ZMYND11: variants seen among roughly 807,000 people sequenced by gnomAD.
The protein encoded by ZMYND11 is zinc finger MYND-type containing 11, also known as zinc finger MYND domain-containing protein 11.
A neutral mutation model predicts 84.9 loss-of-function variants in ZMYND11; 9 were observed. The ratio of observed to expected loss-of-function variants is 0.11; its 90% confidence interval spans 0.06 to 0.18. ZMYND11 has a LOEUF of 0.18. Among genes scored for constraint, ZMYND11 ranks in the 10% least tolerant of loss-of-function variants. The pLI is 1.00. For synonymous variants in ZMYND11, 250 were observed against 244.1 expected, an observed-to-expected ratio of 1.02 and a Z score of -0.23; for missense variants, 409 against 761.0, an observed-to-expected ratio of 0.54 and a Z score of 5.44.
chr10:141,828 C>G (rs948598202), intron 1 of ZMYND11, among the ~76,000 whole-genome samples: 4 of 152,168 alleles, frequency 2.6e-5, no homozygotes, highest in African/African-American at 9.6e-5. Flanking sequence ...GATCTTCATT[C>G]CTAGTTTAAA....
upstream of ZMYND11, among the ~76,000 whole-genome samples, chr10:132,336 C>T (rs1177837815): frequency 6.6e-6 from 1 of 150,844 alleles, no homozygotes; most frequent in Non-Finnish European, 1.5e-5. Context: ...GAGAAAGTCT[C>T]CCTTTGCAGT....
intron 2 of ZMYND11, 114 bp from the exon 3 acceptor site, chr10:209,775 G>T: frequency 5.1e-6 from 5 of 982,988 alleles, no homozygotes; most frequent in Non-Finnish European, 7.5e-6. Context: ...ATCTCAACAG[G>T]ACTCTCATAA....
intron 1 of ZMYND11, among the ~76,000 whole-genome samples, chr10:145,716 T>C (rs1554755118): frequency 6.6e-6 from 1 of 152,202 alleles, no homozygotes; most frequent in East Asian, 1.9e-4. Flanking sequence ...TGTCTATTCA[T>C]GTCATTTGTC....
At chr10:162,910 T>C (rs1483326365) in intron 1 of ZMYND11, among the ~76,000 whole-genome samples, 4 of 152,176 alleles carry the variant, frequency 2.6e-5, no homozygotes, top group Non-Finnish European at 4.4e-5. Context: ...TGGACTTTTT[T>C]ACAGGTCTGC....
intron 10 of ZMYND11, among the ~76,000 whole-genome samples, chr10:246,492 T>C (rs1253467395): frequency 2.0e-5 from 3 of 152,238 alleles, no homozygotes; most frequent in African/African-American, 4.8e-5. Flanking sequence ...AATCCAGTTC[T>C]GAGAACTTTT....
intron 4 of ZMYND11, 88 bp from the exon 5 acceptor site, chr10:236,750 C>T (rs1045874278): frequency 1.8e-6 from 2 of 1,119,910 alleles, no homozygotes; most frequent in Non-Finnish European, 2.6e-6. Flanking sequence ...TGCATACTAT[C>T]TAAGTGTTTC....
rs966105774 is a variant in ZMYND11, at chr10:253,629, A to G, written c.*1159A>G. On this transcript the variant is annotated 3_prime_UTR_variant, in exon 15 of 15. Transcript: ENST00000381604. ...GATTTTTTATACATAGATATATAAA[A>G]TACAGCCAGGAAAACTTAAATTACT... The G allele has an allele frequency of 6.5e-6, 1 of 152,686 alleles. No individual in the cohort carries two copies. The highest frequency in any genetic ancestry group is 2.4e-5 in the African/African-American group (1 of 41,476). The allele number at this position is 152,686 out of a possible 1,614,324, so 9.5% of individuals were successfully genotyped here.
intron 1 of ZMYND11, among the ~76,000 whole-genome samples, chr10:138,462 A>G (rs1053604986): frequency 6.6e-6 from 1 of 151,976 alleles, no homozygotes; most frequent in Non-Finnish European, 1.5e-5. Flanking sequence ...AATGAATGAC[A>G]TATGTTTATT....
intron 2 of ZMYND11, among the ~76,000 whole-genome samples, chr10:202,971 TA>T (rs200857607): frequency 1.3e-4 from 19 of 149,720 alleles, no homozygotes; most frequent in South Asian, 6.3e-4. Context: ...GCAGTGCCAT[TA>T]AAAAAAAACA....
At chr10:221,390 AG>A in intron 4 of ZMYND11, 34 bp downstream of exon 4, 1 of 1,599,278 alleles carries the variant, frequency 6.3e-7, no homozygotes, top group Non-Finnish European at 8.5e-7. Flanking sequence ...TGCTGGTTAG[AG>A]GGTTGGAATT....
upstream of ZMYND11, among the ~76,000 whole-genome samples, chr10:130,755 T>C (rs980473602): frequency 6.6e-6 from 1 of 152,136 alleles, no homozygotes; most frequent in Non-Finnish European, 1.5e-5. Context: ...TGAAATCACT[T>C]GAATGTCTCA....
In ZMYND11 at chr10:248,887, T is replaced by G. The variant is rs368446244; in HGVS notation, c.1501-16T>G. ...AGTTGTGTGCTGACGCACTGTGGGT[T>G]GTCTTTTCATTCCAGCTGCGTTCTG... On this transcript the variant is annotated splice_polypyrimidine_tract_variant and intron_variant, in intron 13 of 14. Transcript: ENST00000381604. 3.8e-6 allele frequency: 6 copies of G among 1,596,466 alleles called. No homozygotes were observed. In the African/African-American group the frequency reaches 5.4e-5, roughly 14 times the overall value.
At chr10:154,648 A>G (rs1588491057) in intron 1 of ZMYND11, among the ~76,000 whole-genome samples, 1 of 152,230 alleles carries the variant, frequency 6.6e-6, no homozygotes, top group African/African-American at 2.4e-5. Flanking sequence ...TTGCAAATAC[A>G]TAACCTGCAA....
chr10:136,818 C>T, intron 1 of ZMYND11, among the ~76,000 whole-genome samples: 1 of 151,958 alleles, frequency 6.6e-6, no homozygotes, highest in East Asian at 1.9e-4. Flanking sequence ...GTATGCAGCA[C>T]CCAGTGTCAT....
chr10:160,007 C>G (rs1842611584), intron 1 of ZMYND11, among the ~76,000 whole-genome samples: 1 of 152,098 alleles, frequency 6.6e-6, no homozygotes. Flanking sequence ...GGTAAATACC[C>G]CCAAAGCAGT....
intron 5 of ZMYND11, 41 bp downstream of exon 5, chr10:236,956 A>G (rs780315578): frequency 2.6e-6 from 4 of 1,562,454 alleles, no homozygotes; most frequent in African/African-American, 1.4e-5. Flanking sequence ...ATCCCAAAAC[A>G]CATTTTACTA....
At chr10:249,645 A>AG in intron 14 of ZMYND11, 12 of 985,368 alleles carry the variant, frequency 1.2e-5, no homozygotes, top group Non-Finnish European at 1.4e-5. Context: ...CCTCCCCACT[A>AG]GAGTGGGAGC....
intron 1 of ZMYND11, among the ~76,000 whole-genome samples, chr10:136,735 C>T (rs1836181664): frequency 6.6e-6 from 1 of 151,860 alleles, no homozygotes; most frequent in African/African-American, 2.4e-5. Flanking sequence ...TGTATAGTAC[C>T]AGGTGTCATA....
intron 3 of ZMYND11, among the ~76,000 whole-genome samples, chr10:219,792 T>G (rs1467933402): frequency 6.6e-6 from 1 of 152,196 alleles, no homozygotes; most frequent in Non-Finnish European, 1.5e-5. Flanking sequence ...AAAGGAAGTT[T>G]GCAGAGTGTA....
Sources: allele counts gnomAD v4.1 joint callset (sites outside exome capture counted in the v4.1 genomes callset), GRCh38; gene constraint gnomAD v4.1.1; transcripts MANE v1.5; gene names NCBI Gene and HGNC (gene_info 2026-07-23, HGNC 2026-07-21).